Variants in SMC5 observed in about 807,000 individuals in gnomAD.
The protein encoded by SMC5 is structural maintenance of chromosomes 5, also known as structural maintenance of chromosomes protein 5.
Under a neutral mutation model 148.3 loss-of-function variants are expected in SMC5, and 88 were observed. The observed-to-expected ratio is 0.59, with a 90% CI of 0.50 to 0.71. SMC5 has a LOEUF of 0.71. Among genes scored for constraint, SMC5 ranks in the 30% least tolerant of loss-of-function variants. The pLI, the probability that SMC5 is intolerant of heterozygous loss-of-function variation, is 0.00. For missense variants in SMC5, 1,142 were observed against 1,298.9 expected (o/e 0.88, Z 1.86); for synonymous variants, 421 against 432.8 (o/e 0.97, Z 0.34).
chr9:70,293,298 C>T (rs900704706), intron 8 of SMC5, among the ~76,000 whole-genome samples: 3 of 151,898 alleles, frequency 2.0e-5, no homozygotes, highest in African/African-American at 7.3e-5. Flanking sequence ...GCAGTGATAA[C>T]CCTATTTCAT....
rs552143312 is a variant in SMC5 at position 70,269,503 on chromosome 9, C to T, written c.380+1528C>T. Among the ~76,000 whole-genome samples the T allele has an allele frequency of 6.1e-4, 93 of 152,160 alleles. 2 individuals are homozygous for T. Among genetic ancestry groups the T allele is most frequent in the Admixed American group, 2.5e-3 (38 of 15,296 alleles). ...ACTGAGATGAGAGGATCACCTGAGC[C>T]TGGGGAGGTAGAGGATGTAGTGAGC... On this transcript the variant is annotated intron_variant, in intron 3 of 24. Transcript: ENST00000361138.
Position 70,352,731 on chromosome 9 carries a change from T to C in SMC5, c.*400T>C. 6.4e-6 allele frequency: 1 copy of C among 156,838 alleles called. No individual in the cohort carries two copies. The allele number at this position is 156,838 out of a possible 1,614,324, so 9.7% of individuals were successfully genotyped here. ...CCTAAAGATGACTCTAGAGCCTAAG[T>C]CCTAGTTTCTCCCAATGTTATATTT... On this transcript the variant is annotated 3_prime_UTR_variant, in exon 25 of 25. Coordinates refer to ENST00000361138, the MANE Select transcript of SMC5 (RefSeq NM_015110.4).
rs148750332 is a variant in SMC5, at chr9:70,320,514, A to G, written c.2150+1551A>G. On this transcript the variant is annotated intron_variant, in intron 15 of 24. Coordinates refer to ENST00000361138, the MANE Select transcript of SMC5 (RefSeq NM_015110.4). ...GTCATTATTCCTTAAGCAATACAAT[A>G]TAACAACTATTTACATAGCATTTAT... Among the ~76,000 whole-genome samples the G allele has an allele frequency of 3.9e-3, 598 of 152,338 alleles. 3 individuals are homozygous for G. Among genetic ancestry groups the G allele is most frequent in the African/African-American group, 0.013 (552 of 41,576 alleles).
chr9:70,310,899 A>C (rs1173371290), intron 11 of SMC5: 1 of 152,266 alleles, frequency 6.6e-6, no homozygotes, highest in African/African-American at 2.4e-5. Context: ...TGCTAGCTTC[A>C]AGCTTTTCTT....
At position 70,323,510 on chromosome 9, in the gene SMC5, C is replaced by T. The variant is rs747203351; in HGVS notation, c.2178C>T (p.Cys726=). 4 of 1,610,718 alleles carry T rather than the reference C, an allele frequency of 2.5e-6. No individual in the cohort carries two copies. The Admixed American group carries it at 5.0e-5, about 20-fold the overall frequency. ...GSLKLMEQDT[C]NLEEEERKAS... Reference sequence around the variant, plus strand: ...TAAAGCTGATGGAACAGGATACTTGCAATCTTGAAGAGGAAGAGCGAAAAG... The same window carrying T: ...TAAAGCTGATGGAACAGGATACTTGTAATCTTGAAGAGGAAGAGCGAAAAG... The change falls in exon 16 of 25, where the codon TGC becomes TGT. Residue 726 remains cysteine (C), a synonymous_variant. Coordinates refer to ENST00000361138, the MANE Select transcript of SMC5 (RefSeq NM_015110.4).
At chr9:70,316,387 A>G (rs1168845519) in intron 13 of SMC5, among the ~76,000 whole-genome samples, 1 of 152,066 alleles carries the variant, frequency 6.6e-6, no homozygotes, top group Non-Finnish European at 1.5e-5. Flanking sequence ...GGCTCACTAT[A>G]CTTCATTAAC....
intron 18 of SMC5, among the ~76,000 whole-genome samples, chr9:70,346,081 AG>A (rs2036660243): frequency 6.6e-6 from 1 of 152,206 alleles, no homozygotes; most frequent in Admixed American, 6.5e-5. Context: ...AAGGAGAAAC[AG>A]GGTTGCTTAA....
intron 2 of SMC5, among the ~76,000 whole-genome samples, chr9:70,265,343 C>A (rs942149418): frequency 1.3e-5 from 2 of 152,104 alleles, no homozygotes; most frequent in African/African-American, 4.8e-5. Context: ...CCTGTAATCC[C>A]AGCTACTAGG....
intron 17 of SMC5, among the ~76,000 whole-genome samples, chr9:70,341,082 C>T (rs1237483272): frequency 1.3e-5 from 2 of 152,234 alleles, no homozygotes; most frequent in East Asian, 3.9e-4. Flanking sequence ...GACTTTACAG[C>T]ATTATCTGAT....
At chr9:70,278,647 T>C in intron 5 of SMC5, 22 bp downstream of exon 5, 1 of 1,582,664 alleles carries the variant, frequency 6.3e-7, no homozygotes, top group Non-Finnish European at 8.5e-7. Context: ...AGACAACTCA[T>C]TTGTATTGTT....
chr9:70,320,028 T>A (rs1175357066), intron 15 of SMC5, among the ~76,000 whole-genome samples: 1 of 152,184 alleles, frequency 6.6e-6, no homozygotes. Flanking sequence ...TATTCCTGTT[T>A]GGAAAAAGAA....
At chr9:70,300,888 A>G (rs2035341168) in intron 10 of SMC5, among the ~76,000 whole-genome samples, 1 of 152,134 alleles carries the variant, frequency 6.6e-6, no homozygotes, top group South Asian at 2.1e-4. Context: ...AGATTACATA[A>G]GGATTATTTT....
intron 3 of SMC5, among the ~76,000 whole-genome samples, chr9:70,269,897 C>T (rs1334266714): frequency 6.6e-6 from 1 of 152,138 alleles, no homozygotes; most frequent in Non-Finnish European, 1.5e-5. Context: ...ATAAAAGTGG[C>T]AGTTTAATTA....
intron 17 of SMC5, among the ~76,000 whole-genome samples, chr9:70,328,068 C>G (rs755060729): frequency 2.0e-5 from 3 of 151,934 alleles, no homozygotes; most frequent in Non-Finnish European, 4.4e-5. Context: ...GGAATCCGCC[C>G]CCATTATCCA....
intron 13 of SMC5, among the ~76,000 whole-genome samples, chr9:70,317,860 A>G (rs961867417): frequency 2.0e-5 from 3 of 152,218 alleles, no homozygotes; most frequent in Non-Finnish European, 4.4e-5. Context: ...ATATACAGGA[A>G]CTAAATATAA....
At chr9:70,260,997 C>A (rs757864176) in intron 1 of SMC5, among the ~76,000 whole-genome samples, 1 of 152,144 alleles carries the variant, frequency 6.6e-6, no homozygotes, top group Non-Finnish European at 1.5e-5. Flanking sequence ...CCTCGGCCTC[C>A]CAAAGTGCTG....
At position 70,267,927 on chromosome 9, in the gene SMC5, G is replaced by A; in HGVS notation, c.332G>A (p.Gly111Glu). Residue 111 changes from glycine (G) to glutamate (E), a missense_variant, in exon 3 of 25, where the codon GGG (glycine) becomes GAG (glutamate). This residue lies in a region of SMC5 where 297 missense variants were observed against 302.6 expected (regional missense o/e 0.98). Transcript: ENST00000361138. Reference protein sequence around the residue: ...PAFMGRADKVGFFVKRGCSRG... With the variant: ...PAFMGRADKVEFFVKRGCSRG... ...TTTTTCTTTTTTATGTCTTAGGTTG[G>A]GTTTTTTGTGAAGAGAGGATGTTCT... The A allele has an allele frequency of 6.8e-6, 11 of 1,612,584 alleles. No individual in the cohort carries two copies. Among genetic ancestry groups the A allele is most frequent in the Non-Finnish European group, 9.3e-6 (11 of 1,179,372 alleles).
chr9:70,323,347 G>A (rs781712721), intron 15 of SMC5, 136 bp from the exon 16 acceptor site: 6 of 722,954 alleles, frequency 8.3e-6, no homozygotes, highest in Non-Finnish European at 1.3e-5. Flanking sequence ...TATATTGATT[G>A]ATCGGTTATG....
At chr9:70,273,949 T>G (rs2034517636) in intron 3 of SMC5, among the ~76,000 whole-genome samples, 1 of 152,206 alleles carries the variant, frequency 6.6e-6, no homozygotes, top group African/African-American at 2.4e-5. Context: ...CTTCTATATT[T>G]TTGCTGATTT....
Sources: allele counts gnomAD v4.1 joint callset (sites outside exome capture counted in the v4.1 genomes callset), GRCh38; gene constraint gnomAD v4.1.1; regional missense constraint gnomAD v4.1.1; transcripts MANE v1.5; gene names NCBI Gene and HGNC (gene_info 2026-07-23, HGNC 2026-07-21).